CELF1: variants seen among roughly 807,000 people sequenced by gnomAD.
The protein encoded by CELF1 is CUGBP Elav-like family member 1, also known as 50 kDa nuclear polyadenylated RNA-binding protein.
Under a neutral mutation model 61.8 loss-of-function variants are expected in CELF1, and 10 were observed. The ratio of observed to expected loss-of-function variants is 0.16; its 90% CI spans 0.10 to 0.27. The LOEUF (loss-of-function observed/expected upper bound fraction) is 0.27. Ranked by LOEUF, CELF1 falls within the 10% of genes least tolerant of loss-of-function variation. CELF1 has a pLI of 1.00. For synonymous variants in CELF1, 236 were observed against 225.1 expected (o/e 1.05, Z -0.43); for missense variants, 380 against 639.1 (o/e 0.59, Z 4.37).
At chr11:47,477,446 G>C (rs546283169) in intron 10 of CELF1, 21 bp from the exon 11 acceptor site, 3 of 1,611,778 alleles carry the variant, frequency 1.9e-6, no homozygotes, top group African/African-American at 2.7e-5. Flanking sequence ...CAAAGCAAGA[G>C]ATTAGCCAGC....
intron 2 of CELF1, among the ~76,000 whole-genome samples, chr11:47,558,512 ATAATATATGT>A (rs2097212858): frequency 8.3e-6 from 1 of 121,180 alleles, no homozygotes; most frequent in African/African-American, 3.2e-5. Context: ...TATTATATAA[ATAATATATGT>A]ATATGTATAT....
chr11:47,557,167 C>T (rs966518134), upstream of CELF1, among the ~76,000 whole-genome samples: 2 of 151,370 alleles, frequency 1.3e-5, no homozygotes, highest in Non-Finnish European at 2.9e-5. Context: ...CGCAAAGTGC[C>T]GGGAGCCACC....
chr11:47,473,688 C>G (rs1299609061), intron 13 of CELF1, among the ~76,000 whole-genome samples: 1 of 152,140 alleles, frequency 6.6e-6, no homozygotes, highest in East Asian at 1.9e-4. Flanking sequence ...GAGGGAATTT[C>G]TAGGGGTGAT....
At chr11:47,559,599 C>T (rs1188895540) in intron 2 of CELF1, among the ~76,000 whole-genome samples, 1 of 152,156 alleles carries the variant, frequency 6.6e-6, no homozygotes, top group Non-Finnish European at 1.5e-5. Context: ...ATCATCCCAC[C>T]TCAGGTAGAT....
chr11:47,536,273 C>T (rs1417865245), intron 1 of CELF1, among the ~76,000 whole-genome samples: 2 of 151,956 alleles, frequency 1.3e-5, no homozygotes, highest in Admixed American at 6.6e-5. Context: ...GACTGAGGCA[C>T]GAGAATTACT....
At position 47,488,972 on chromosome 11, in the gene CELF1, C is replaced by T. The variant is rs1218732491; in HGVS notation, c.124G>A (p.Ala42Thr). 1.9e-6 allele frequency: 3 copies of T among 1,611,922 alleles called. No homozygotes were observed. The highest frequency in any genetic ancestry group is 2.5e-6 in the Non-Finnish European group (3 of 1,179,282). Reference sequence around the variant, plus strand: ...ACCTGGCCCACAAACATCTTGATAGCATCAAGATCTGGTTGGTCTGGGTGG... The same window carrying T: ...ACCTGGCCCACAAACATCTTGATAGTATCAAGATCTGGTTGGTCTGGGTGG... ...LDHPDQPDLD[A>T]IKMFVGQVPR... The change falls in exon 4 of 15, where the codon GCT becomes ACT. Residue 42 changes from alanine to threonine, a missense_variant. By Grantham distance (58) the Ala-to-Thr change is moderately conservative. Transcript: ENST00000687097.
chr11:47,487,074 G>C, intron 5 of CELF1, 85 bp downstream of exon 5: 1 of 1,101,166 alleles, frequency 9.1e-7, no homozygotes, highest in Non-Finnish European at 1.3e-6. Context: ...CCCCAAAATG[G>C]TTTTCAGTGT....
chr11:47,565,424 TCCCTCCTCCGAGGCCGCCGGG>T (rs1008751401), exon 1 of CELF1: 5 of 376,044 alleles, frequency 1.3e-5, no homozygotes, highest in Middle Eastern at 7.9e-4. Flanking sequence ...GAAACCTCGG[TCCCTCCTCCGAGGCCGCCGGG>T]CCCTCCTCCA....
At chr11:47,536,426 A>C (rs910436898) in intron 1 of CELF1, among the ~76,000 whole-genome samples, 2 of 152,114 alleles carry the variant, frequency 1.3e-5, no homozygotes, top group African/African-American at 4.8e-5. Flanking sequence ...CTATAACCCA[A>C]ATTAGCTCAG....
intron 1 of CELF1, among the ~76,000 whole-genome samples, chr11:47,538,415 G>A (rs1338642580): frequency 1.3e-5 from 2 of 152,032 alleles, no homozygotes; most frequent in Admixed American, 1.3e-4. Flanking sequence ...AGGCCCAGGC[G>A]GGCAGATCAC....
At chr11:47,482,880 G>C (rs752306154) in intron 8 of CELF1, 24 bp from the exon 9 acceptor site, 2 of 1,589,940 alleles carry the variant, frequency 1.3e-6, no homozygotes, top group South Asian at 2.3e-5. Context: ...ATAACGAAAG[G>C]GTCAAATTCC....
intron 1 of CELF1, among the ~76,000 whole-genome samples, chr11:47,540,475 A>AAT: frequency 6.6e-6 from 1 of 152,328 alleles, no homozygotes; most frequent in East Asian, 1.9e-4. Context: ...ATCATGCAGT[A>AAT]ATCACCCACT....
chr11:47,563,415 G>A (rs1466983036), intron 2 of CELF1, among the ~76,000 whole-genome samples: 1 of 152,200 alleles, frequency 6.6e-6, no homozygotes, highest in Admixed American at 6.5e-5. Flanking sequence ...GCTGGGTGCG[G>A]TGGCTCATGC....
chr11:47,473,897 TTTTCTTTTTTTTTC>T (rs150800637), intron 13 of CELF1, among the ~76,000 whole-genome samples: 35,859 of 151,816 alleles, frequency 0.24, 5,318 homozygotes, highest in African/African-American at 0.4. Flanking sequence ...CACTCAATGA[TTTTCTTTTTTTTTC>T]TTTCTTTTTT....
intron 1 of CELF1, among the ~76,000 whole-genome samples, chr11:47,520,420 TTATAAG>T (rs1439059011): frequency 1.2e-4 from 18 of 152,222 alleles, no homozygotes; most frequent in African/African-American, 4.3e-4. Flanking sequence ...CTCACACAGA[TTATAAG>T]TTTATGGATA....
intron 1 of CELF1, among the ~76,000 whole-genome samples, chr11:47,509,559 C>G (rs1259656241): frequency 6.6e-6 from 1 of 152,006 alleles, no homozygotes; most frequent in East Asian, 1.9e-4. Context: ...GTCTCCCCAC[C>G]CCACTCCAAA....
chr11:47,544,875 T>C (rs1375755782), intron 1 of CELF1, among the ~76,000 whole-genome samples: 1 of 151,556 alleles, frequency 6.6e-6, no homozygotes, highest in Non-Finnish European at 1.5e-5. Flanking sequence ...GGAAGGAAAA[T>C]CACTTGAGCC....
Position 47,491,578 on chromosome 11 carries a change from A to G in CELF1, c.72-2554T>C, listed in dbSNP as rs79597020. Among the ~76,000 whole-genome samples the G allele has an allele frequency of 6.6e-3, 1,001 of 152,326 alleles. 12 individuals carry two copies. Among genetic ancestry groups the G allele is most frequent in the Middle Eastern group, 0.027 (8 of 294 alleles). ...GGAATATAGACCAATTCCTAACCCT[A>G]TATCTGTGAAGGCTCCCCATATTCT... On this transcript the variant is annotated intron_variant, in intron 3 of 14. Coordinates refer to ENST00000687097, the MANE Select transcript of CELF1 (RefSeq NM_001376376.1).
chr11:47,536,557 T>C (rs113719797), intron 1 of CELF1, among the ~76,000 whole-genome samples: 120 of 151,760 alleles, frequency 7.9e-4, no homozygotes, highest in African/African-American at 2.9e-3. Context: ...TCAGGTGGAG[T>C]TGGAGGTCAG....
Sources: allele counts gnomAD v4.1 joint callset (sites outside exome capture counted in the v4.1 genomes callset), GRCh38; gene constraint gnomAD v4.1.1; transcripts MANE v1.5; gene names NCBI Gene and HGNC (gene_info 2026-07-23, HGNC 2026-07-21).